Variants in ZFPM2 observed in about 807,000 individuals in gnomAD.
ZFPM2 encodes the protein zinc finger protein, FOG family member 2, also known as zinc finger protein ZFPM2.
ZFPM2 carries 20 observed loss-of-function variants against 98.6 expected under a neutral mutation model. The ratio of observed to expected loss-of-function variants is 0.20; its 90% confidence interval spans 0.14 to 0.29. The LOEUF is 0.29. Among genes scored for constraint, ZFPM2 ranks in the 10% least tolerant of loss-of-function variants. The probability of loss-of-function intolerance (pLI) is 1.00; values close to 1 mark genes in which losing one functional copy is unlikely to be tolerated. For missense variants in ZFPM2, 1,310 were observed against 1,388.6 expected (o/e 0.94, Z 0.90); for synonymous variants, 518 against 502.7 (o/e 1.03, Z -0.41).
At chr8:105,712,432 A>G (rs1465261521) in intron 5 of ZFPM2, among the ~76,000 whole-genome samples, 2 of 152,096 alleles carry the variant, frequency 1.3e-5, no homozygotes, top group Admixed American at 1.3e-4. Flanking sequence ...GTTGTGAGGT[A>G]GACAGTATTA....
intron 5 of ZFPM2, among the ~76,000 whole-genome samples, chr8:105,736,891 A>T (rs1004626751): frequency 1.3e-5 from 2 of 152,096 alleles, no homozygotes; most frequent in African/African-American, 4.8e-5. Flanking sequence ...ATAAAATATC[A>T]GTTTCTCTTC....
chr8:105,567,802 T>A (rs896604010), intron 4 of ZFPM2, among the ~76,000 whole-genome samples: 1 of 152,134 alleles, frequency 6.6e-6, no homozygotes, highest in Admixed American at 6.5e-5. Flanking sequence ...CTAATCGAAT[T>A]GAATTTGCTT....
chr8:105,518,649 G>T (rs1180458302), intron 3 of ZFPM2, among the ~76,000 whole-genome samples: 5 of 152,168 alleles, frequency 3.3e-5, no homozygotes, highest in African/African-American at 9.7e-5. Flanking sequence ...TGTTTTCAGT[G>T]GCAACAAGCT....
intron 5 of ZFPM2, among the ~76,000 whole-genome samples, chr8:105,656,245 C>A (rs1209664029): frequency 2.0e-5 from 3 of 152,118 alleles, no homozygotes; most frequent in Admixed American, 2.0e-4. Context: ...TGAAACCCTC[C>A]TGGTTCCTAA....
chr8:105,700,085 A>C (rs1811108068), intron 5 of ZFPM2, among the ~76,000 whole-genome samples: 1 of 152,150 alleles, frequency 6.6e-6, no homozygotes, highest in African/African-American at 2.4e-5. Context: ...TTGGAATACT[A>C]CCCCACAAAA....
intron 3 of ZFPM2, among the ~76,000 whole-genome samples, chr8:105,517,707 C>CACCACACACACA (rs61552974): frequency 0.014 from 1,796 of 124,918 alleles, 35 homozygotes; most frequent in African/African-American, 0.034. Context: ...CACACACACA[C>CACCACACACACA]CACACACACA....
In ZFPM2 at chr8:105,802,158, C is replaced by T; in HGVS notation, c.2076C>T (p.Cys692=). 1.9e-6 allele frequency: 3 copies of T among 1,613,898 alleles called. No individual in the cohort carries two copies. Among genetic ancestry groups the T allele is most frequent in the African/African-American group, 2.7e-5 (2 of 75,024 alleles). ...SDPNKTTCEA[C]NITFSRHETY... ...CAAATAAGACTACCTGTGAAGCTTG[C>T]AACATTACCTTCAGCCGGCACGAAA... The change falls in exon 8 of 8, where the codon TGC becomes TGT. Residue 692 remains cysteine (C), a synonymous_variant. Coordinates refer to ENST00000407775, the MANE Select transcript of ZFPM2 (RefSeq NM_012082.4).
At chr8:105,469,059 A>G (rs1812848158) in intron 3 of ZFPM2, among the ~76,000 whole-genome samples, 1 of 152,084 alleles carries the variant, frequency 6.6e-6, no homozygotes, top group African/African-American at 2.4e-5. Context: ...GGGGCAGCCC[A>G]GAGAGCTCTT....
intron 1 of ZFPM2, among the ~76,000 whole-genome samples, chr8:105,323,498 C>T (rs927076036): frequency 6.6e-6 from 1 of 151,746 alleles, no homozygotes; most frequent in Non-Finnish European, 1.5e-5. Context: ...TTAAAGGAAC[C>T]TGTATTCTGT....
At chr8:105,753,914 G>A (rs1586240584) in intron 5 of ZFPM2, among the ~76,000 whole-genome samples, 2 of 152,142 alleles carry the variant, frequency 1.3e-5, no homozygotes, top group East Asian at 3.9e-4. Flanking sequence ...CACTCAGTAT[G>A]GTCCTTGTAT....
At chr8:105,359,370 T>TC (rs1271991637) in intron 1 of ZFPM2, among the ~76,000 whole-genome samples, 10 of 149,850 alleles carry the variant, frequency 6.7e-5, no homozygotes, top group Non-Finnish European at 1.3e-4. Flanking sequence ...TTTCTTTCTT[T>TC]TTTTTTTTTT....
intron 1 of ZFPM2, among the ~76,000 whole-genome samples, chr8:105,327,919 C>T (rs981842709): frequency 6.6e-6 from 1 of 151,640 alleles, no homozygotes; most frequent in Admixed American, 6.6e-5. Flanking sequence ...ACAGTAAATG[C>T]CATGGACTGG....
chr8:105,769,877 G>C (rs1302290713), intron 5 of ZFPM2, among the ~76,000 whole-genome samples: 1 of 151,426 alleles, frequency 6.6e-6, no homozygotes, highest in Admixed American at 6.6e-5. Flanking sequence ...CTTTATGTAC[G>C]AAGGGAAAAA....
chr8:105,382,375 T>C (rs1810905968), intron 1 of ZFPM2, among the ~76,000 whole-genome samples: 1 of 152,108 alleles, frequency 6.6e-6, no homozygotes, highest in Non-Finnish European at 1.5e-5. Context: ...CCTGTATGTC[T>C]AATATGATGT....
At chr8:105,509,289 A>C (rs139291318) in intron 3 of ZFPM2, among the ~76,000 whole-genome samples, 10 of 152,244 alleles carry the variant, frequency 6.6e-5, no homozygotes, top group African/African-American at 2.2e-4. Context: ...GGCACTTTGC[A>C]TACCTTGGAG....
intron 3 of ZFPM2, among the ~76,000 whole-genome samples, chr8:105,559,070 ATTG>A (rs145988590): frequency 0.028 from 4,199 of 152,220 alleles, 195 homozygotes; most frequent in African/African-American, 0.096. Flanking sequence ...ATCAGAGTAG[ATTG>A]TTATCTTTGT....
In ZFPM2 at chr8:105,788,567, A is replaced by G. The variant is rs188018993; in HGVS notation, c.533-151A>G. The G allele has an allele frequency of 6.4e-4, 457 of 713,878 alleles. 1 individual carries two copies. In the African/African-American group the frequency reaches 7.4e-3, roughly 12 times the overall value. The allele number at this position is 713,878 out of a possible 1,614,324, so 44.2% of individuals were successfully genotyped here. A position where few individuals can be genotyped will look rare whatever the true frequency, so the allele number is the denominator to read the frequency against. ...AGTACAATTTTCCACACAGGAAGCA[A>G]GAGGAACACAGCTGTTGCCTTGATC... On this transcript the variant is annotated intron_variant, in intron 5 of 7. Coordinates refer to ENST00000407775, the MANE Select transcript of ZFPM2 (RefSeq NM_012082.4).
intron 4 of ZFPM2, among the ~76,000 whole-genome samples, chr8:105,579,228 G>C (rs1815533870): frequency 6.6e-6 from 1 of 152,068 alleles, no homozygotes; most frequent in South Asian, 2.1e-4. Flanking sequence ...CTGCAAAGAG[G>C]ACATCTTGAT....
rs150456548 is a variant in ZFPM2 at position 105,621,478 on chromosome 8, T to A, written c.421-12768T>A. ...ACAATCATGTCATCTGCAAACAGGG[T>A]CAATTTGACTTCCTCTTGTCCTAAT... On this transcript the variant is annotated intron_variant, in intron 4 of 7. Transcript: ENST00000407775. Among the ~76,000 whole-genome samples the A allele has an allele frequency of 3.4e-3, 521 of 152,118 alleles. 2 individuals carry two copies. The highest frequency in any genetic ancestry group is 0.011 in the African/African-American group (472 of 41,516).
Sources: allele counts gnomAD v4.1 joint callset (sites outside exome capture counted in the v4.1 genomes callset), GRCh38; gene constraint gnomAD v4.1.1; transcripts MANE v1.5; gene names NCBI Gene and HGNC (gene_info 2026-07-23, HGNC 2026-07-21).